Variants in RASSF2 observed in about 807,000 individuals in gnomAD.
The protein encoded by RASSF2 is Ras association domain family member 2, also known as ras association domain-containing protein 2.
In RASSF2, 34 loss-of-function variants were observed where a neutral mutation model predicts 46.3. The observed-to-expected ratio is 0.73, with a 90% CI of 0.56 to 0.98. The LOEUF (loss-of-function observed/expected upper bound fraction) is 0.98, where lower values mean the gene tolerates loss of function less well. Ranked by LOEUF, RASSF2 falls within the 50% of genes least tolerant of loss-of-function variation. The probability of loss-of-function intolerance (pLI) is 0.00; values close to 1 mark genes in which losing one functional copy is unlikely to be tolerated. For missense variants in RASSF2, 364 were observed against 431.2 expected (o/e 0.84, Z 1.38); for synonymous variants, 158 against 162.5 (o/e 0.97, Z 0.21).
At chr20:4,822,600 C>A (rs1173358046) in intron 1 of RASSF2, among the ~76,000 whole-genome samples, 197 bp from the exon 2 acceptor site, 1 of 152,268 alleles carries the variant, frequency 6.6e-6, no homozygotes, top group African/African-American at 2.4e-5. Context: ...GCAAAGTAAG[C>A]GCTCGAAATG....
Position 4,795,701 on chromosome 20 carries a change from G to A in RASSF2, c.287+114C>T. ...AGGCAGGTGGGCAGTAGAGGTAGTA[G>A]GAGGAGGAGCCAGGGTCAGGGCTGG... On this transcript the variant is annotated intron_variant, in intron 5 of 11. Coordinates refer to ENST00000379400, the MANE Select transcript of RASSF2 (RefSeq NM_014737.3). The surrounding 1 kb of genome is among the most constrained non-coding windows in gnomAD (Gnocchi z 4.0). The A allele has an allele frequency of 7.6e-7, 1 of 1,309,408 alleles. No individual in the cohort carries two copies. Among genetic ancestry groups the A allele is most frequent in the Non-Finnish European group, 1.0e-6 (1 of 959,858 alleles). The allele number at this position is 1,309,408 out of a possible 1,614,324, so 81.1% of individuals were successfully genotyped here. A position where few individuals can be genotyped will look rare whatever the true frequency, so the allele number is the denominator to read the frequency against.
In RASSF2 at chr20:4,795,813, AC is replaced by A; in HGVS notation, c.287+1del. On this transcript the variant is annotated splice_donor_variant, in intron 5 of 11. Transcript: ENST00000379400. LOFTEE classifies it high-confidence loss of function. This position sits in a 1 kb window ranked among gnomAD's most constrained non-coding sequence, Gnocchi z 4.0. The stretch of plus-strand genomic sequence containing the variant: ...CTCCCTGCCCCGTCTCTCCTCACTC[AC>A]CCCTGAGCCCCCAGGTTACAGCCAG... 6.2e-7 allele frequency: 1 copy of A among 1,607,484 alleles called. No homozygotes were observed. Among genetic ancestry groups the A allele is most frequent in the Non-Finnish European group, 8.5e-7 (1 of 1,176,388 alleles).
At chr20:4,808,643 T>C (rs1927537572) in intron 2 of RASSF2, among the ~76,000 whole-genome samples, 1 of 152,006 alleles carries the variant, frequency 6.6e-6, no homozygotes, top group Admixed American at 6.6e-5. Context: ...CACGCCACCA[T>C]ACCTGGCTAA....
At chr20:4,784,796 C>G (rs1360246904) in intron 11 of RASSF2, among the ~76,000 whole-genome samples, 1 of 152,042 alleles carries the variant, frequency 6.6e-6, no homozygotes, top group Admixed American at 6.6e-5. Flanking sequence ...ATGGCAACTT[C>G]GTATGGTTCA....
intron 3 of RASSF2, among the ~76,000 whole-genome samples, chr20:4,799,989 G>A (rs1926722869): frequency 6.6e-6 from 1 of 152,152 alleles, no homozygotes; most frequent in South Asian, 2.1e-4. Flanking sequence ...GCGCATGCCT[G>A]TAATCCCAGC....
chr20:4,810,286 C>G (rs1213184222), intron 2 of RASSF2, among the ~76,000 whole-genome samples: 2 of 152,202 alleles, frequency 1.3e-5, no homozygotes, highest in Admixed American at 6.5e-5. Context: ...TGTTTCCAGC[C>G]TCCCACAGGA....
At chr20:4,788,307 T>C (rs1226575845) in intron 8 of RASSF2, 39 bp from the exon 9 acceptor site, 1 of 1,559,322 alleles carries the variant, frequency 6.4e-7, no homozygotes, top group Non-Finnish European at 8.8e-7. Flanking sequence ...AAAGTTTCTA[T>C]TTAAACATCC....
intron 2 of RASSF2, among the ~76,000 whole-genome samples, chr20:4,811,249 G>GTGCACCCCTGTAGTCTTAGCTACT (rs1555792683): frequency 4.6e-5 from 7 of 151,330 alleles, no homozygotes; most frequent in African/African-American, 7.3e-5. Context: ...TACTCAGGAG[G>GTGCACCCCTGTAGTCTTAGCTACT]CTGAGATAGG....
rs534980404 is a variant in RASSF2 at position 4,812,861 on chromosome 20, A to T, written c.-33+9468T>A. 1.3e-5 allele frequency among the ~76,000 whole-genome samples: 2 copies of T among 152,268 alleles called. No homozygotes were observed. The highest frequency in any genetic ancestry group is 2.9e-5 in the Non-Finnish European group (2 of 68,004). On this transcript the variant is annotated intron_variant, in intron 2 of 11. Coordinates refer to ENST00000379400, the MANE Select transcript of RASSF2 (RefSeq NM_014737.3). The surrounding 1 kb of genome is among the most constrained non-coding windows in gnomAD (Gnocchi z 4.0). ...TCTCTGGCTGAGCGCTGGATCTGAG[A>T]GGGCCACTATGCGAGTAGCAGGTGC...
chr20:4,785,561 T>G (rs1011455123), intron 11 of RASSF2, among the ~76,000 whole-genome samples: 9 of 152,158 alleles, frequency 5.9e-5, no homozygotes, highest in Non-Finnish European at 1.3e-4. Context: ...GAAAGCCGCT[T>G]TATTTTTCAA....
rs745318589 is a variant in RASSF2 at position 4,790,571 on chromosome 20, C to T, written c.417G>A (p.Gln139=). The T allele has an allele frequency of 6.5e-7, 1 of 1,534,848 alleles. No homozygotes were observed. The highest frequency in any genetic ancestry group is 2.4e-5 in the Admixed American group (1 of 41,834). Residue 139 remains glutamine (Q), a synonymous_variant, in exon 7 of 12, where the codon CAG becomes CAA. Coordinates refer to ENST00000379400, the MANE Select transcript of RASSF2 (RefSeq NM_014737.3). The surrounding 1 kb of genome is among the most constrained non-coding windows in gnomAD (Gnocchi z 4.3). The part of the protein sequence containing the change: ...GLKPLQEDTP[Q]LMRTRSDVGV... ...CAACATCACTGCGTGTGCGCATCAG[C>T]TGTGGGGTGTCCTCCTGCAGGGGCT...
Position 4,795,892 on chromosome 20 carries a change from C to T in RASSF2, c.210G>A (p.Met70Ile), listed in dbSNP as rs1314460500. 6.2e-7 allele frequency: 1 copy of T among 1,608,646 alleles called. No individual in the cohort carries two copies. Among genetic ancestry groups the T allele is most frequent in the Admixed American group, 1.7e-5 (1 of 59,656 alleles). Residue 70 changes from methionine to isoleucine, a missense_variant, in exon 5 of 12, where the codon ATG becomes ATA. Met to Ile is a conservative substitution (Grantham distance 10). Coordinates refer to ENST00000379400, the MANE Select transcript of RASSF2 (RefSeq NM_014737.3). The surrounding 1 kb of genome is among the most constrained non-coding windows in gnomAD (Gnocchi z 4.0). ...WGLRRPIRLQ[M>I]QDDNERIRPP... ...GTCGAATGCGTTCGTTGTCATCCTG[C>T]ATCTGCAGGCGAATGGGCCGGCGCA...
chr20:4,780,789 A>AC lies in RASSF2; in HGVS notation c.*3483dup, dbSNP rs1924732703. The stretch of plus-strand genomic sequence containing the variant: ...AGACCAGCCTGGCCAAGATGGTGAA[A>AC]CCCCACCTCTACTAAAACCACACAA... On this transcript the variant is annotated 3_prime_UTR_variant, in exon 12 of 12. Transcript: ENST00000379400. The AC allele has an allele frequency of 6.6e-6, 1 of 151,998 alleles. No homozygotes were observed. Among genetic ancestry groups the AC allele is most frequent in the African/African-American group, 2.4e-5 (1 of 41,360 alleles). The allele number at this position is 151,998 out of a possible 1,614,324, so 9.4% of individuals were successfully genotyped here.
chr20:4,807,655 T>C (rs530091052), intron 2 of RASSF2, among the ~76,000 whole-genome samples: 37 of 152,368 alleles, frequency 2.4e-4, no homozygotes, highest in South Asian at 2.3e-3. Flanking sequence ...TCAGCCACTC[T>C]CTACCTGTTG....
At chr20:4,818,244 G>A (rs980777712) in intron 2 of RASSF2, among the ~76,000 whole-genome samples, 11 of 151,814 alleles carry the variant, frequency 7.2e-5, no homozygotes, top group African/African-American at 2.7e-4. Flanking sequence ...TCCAGCCTAG[G>A]CAACAGAGTG....
At chr20:4,794,288 G>A (rs1408498363) in intron 5 of RASSF2, among the ~76,000 whole-genome samples, 1 of 152,042 alleles carries the variant, frequency 6.6e-6, no homozygotes, top group Non-Finnish European at 1.5e-5. Flanking sequence ...ATCCAGGTAG[G>A]GCCAGTATGG....
intron 4 of RASSF2, among the ~76,000 whole-genome samples, chr20:4,797,579 C>A (rs1397014088): frequency 1.9e-5 from 2 of 106,424 alleles, no homozygotes; most frequent in Non-Finnish European, 4.0e-5. Context: ...TCAGTGGGGA[C>A]TCTGCTAACA....
chr20:4,820,758 G>T (rs998743977), intron 2 of RASSF2, among the ~76,000 whole-genome samples: 17 of 152,070 alleles, frequency 1.1e-4, no homozygotes, highest in African/African-American at 3.9e-4. Context: ...GCTGAGACCT[G>T]CCCTGTTTCT....
chr20:4,798,428 C>A (rs1014813955), intron 3 of RASSF2, among the ~76,000 whole-genome samples: 4 of 152,156 alleles, frequency 2.6e-5, no homozygotes, highest in Non-Finnish European at 4.4e-5. Flanking sequence ...CTGAGGCGAG[C>A]ACTTCAGAGC....
Sources: gnomAD v4.1 joint callset for allele counts (sites outside exome capture counted in the v4.1 genomes callset) on GRCh38, gnomAD v4.1.1 for gene constraint, Gnocchi (gnomAD v3.1) non-coding constraint, MANE v1.5 for transcripts, NCBI Gene and HGNC (gene_info 2026-07-23, HGNC 2026-07-21) for gene names.